The following PELI2 variants were observed in gnomAD, a reference collection of about 807,000 sequenced individuals.
The protein encoded by PELI2 is pellino E3 ubiquitin protein ligase family member 2, also known as E3 ubiquitin-protein ligase pellino homolog 2.
A neutral mutation model predicts 42.3 loss-of-function variants in PELI2; 23 were observed. The observed-to-expected ratio is 0.54, with a 90% confidence interval of 0.39 to 0.77. The LOEUF is 0.77. Ranked by LOEUF, PELI2 falls within the 30% of genes least tolerant of loss-of-function variation. The probability of loss-of-function intolerance (pLI) is 0.00; values close to 1 mark genes in which losing one functional copy is unlikely to be tolerated. For missense variants in PELI2, 463 were observed against 553.2 expected, an observed-to-expected ratio of 0.84 and a Z score of 1.64; for synonymous variants, 245 against 212.2, an observed-to-expected ratio of 1.15 and a Z score of -1.34.
rs376043626 is a variant in PELI2, at chr14:56,256,923, A to T, written c.208-22753A>T. On this transcript the variant is annotated intron_variant, in intron 2 of 5. Transcript: ENST00000267460. ...TGCTACTGGAAGTTGCCAGCTGTCT[A>T]ACTAGCTAGGTAGGATACCCTGCCT... is the stretch of plus-strand genomic sequence containing the variant. Among the ~76,000 whole-genome samples the T allele has an allele frequency of 9.2e-5, 14 of 152,320 alleles. 1 individual carries two copies. The highest frequency in any genetic ancestry group is 3.4e-4 in the African/African-American group (14 of 41,570).
intron 1 of PELI2, among the ~76,000 whole-genome samples, chr14:56,128,025 A>C (rs1566595614): frequency 6.6e-6 from 1 of 152,186 alleles, no homozygotes; most frequent in Non-Finnish European, 1.5e-5. Context: ...GTATATTAAA[A>C]ATGGGATTCA....
intron 2 of PELI2, among the ~76,000 whole-genome samples, chr14:56,255,962 A>G (rs1888513739): frequency 6.6e-6 from 1 of 152,122 alleles, no homozygotes; most frequent in Non-Finnish European, 1.5e-5. Flanking sequence ...ATGCAGCTCA[A>G]CTTTACAGGG....
chr14:56,291,775 C>T (rs1212267456), intron 5 of PELI2, among the ~76,000 whole-genome samples: 1 of 152,206 alleles, frequency 6.6e-6, no homozygotes, highest in Non-Finnish European at 1.5e-5. Flanking sequence ...CAGCAGCCCT[C>T]TTAGGGAAGT....
intron 2 of PELI2, among the ~76,000 whole-genome samples, chr14:56,218,822 C>T (rs1887011162): frequency 6.6e-6 from 1 of 152,114 alleles, no homozygotes; most frequent in Admixed American, 6.5e-5. Flanking sequence ...AGCTATTGGT[C>T]TGAAACTGTG....
intron 2 of PELI2, among the ~76,000 whole-genome samples, chr14:56,275,697 GCTCGTCTGCCA>G (rs1168329101): frequency 6.6e-6 from 1 of 152,188 alleles, no homozygotes; most frequent in Non-Finnish European, 1.5e-5. Context: ...AACTTCGCTT[GCTCGTCTGCCA>G]CTCACCTCCT....
chr14:56,200,298 A>G (rs144828565), intron 2 of PELI2, among the ~76,000 whole-genome samples: 1 of 152,396 alleles, frequency 6.6e-6, no homozygotes, highest in African/African-American at 2.4e-5. Context: ...GCTAATAAGC[A>G]CTTTGCATAT....
Position 56,118,637 on chromosome 14 carries a change from G to A in PELI2, c.-24G>A. 1 of 1,362,002 alleles carries A rather than the reference G, an allele frequency of 7.3e-7. No homozygotes were observed. The highest frequency in any genetic ancestry group is 9.6e-7 in the Non-Finnish European group (1 of 1,047,072). 84.4% of individuals were successfully genotyped at this position (1,362,002 alleles called of 1,614,324 possible). On this transcript the variant is annotated 5_prime_UTR_variant, in exon 1 of 6. Coordinates refer to ENST00000267460, the MANE Select transcript of PELI2 (RefSeq NM_021255.3). ...GGCGGAGGCGGCGGCGTCGGCGGCG[G>A]CGTCGGCGGCCGAGCGGGGCTCCAT... is the stretch of plus-strand genomic sequence containing the variant.
rs1412624063 is a variant in PELI2, at chr14:56,199,627, CT to C, written c.207+21164del. Reference sequence around the variant, plus strand: ...ACTAGCAAGTATTAGTGAAAACCCCCTGATAATTCAGTTTAATGGCTACTTT... The same window carrying C: ...ACTAGCAAGTATTAGTGAAAACCCCCGATAATTCAGTTTAATGGCTACTTT... On this transcript the variant is annotated intron_variant, in intron 2 of 5. Transcript: ENST00000267460. Among the ~76,000 whole-genome samples the C allele has an allele frequency of 2.0e-5, 3 of 152,282 alleles. No homozygotes were observed. In the East Asian group the frequency reaches 5.8e-4, roughly 29 times the overall value.
chr14:56,147,286 G>T (rs1884162774), intron 1 of PELI2, among the ~76,000 whole-genome samples: 1 of 152,168 alleles, frequency 6.6e-6, no homozygotes, highest in Non-Finnish European at 1.5e-5. Flanking sequence ...TCTTTGCATG[G>T]ATGTATATTT....
In PELI2 at chr14:56,233,924, A is replaced by G. The variant is rs1887684513; in HGVS notation, c.208-45752A>G. 3.3e-5 allele frequency among the ~76,000 whole-genome samples: 5 copies of G among 152,198 alleles called. No homozygotes were observed. In the South Asian group the frequency reaches 1.0e-3, roughly 32 times the overall value. On this transcript the variant is annotated intron_variant, in intron 2 of 5. Coordinates refer to ENST00000267460, the MANE Select transcript of PELI2 (RefSeq NM_021255.3). ...AAATTTATAAGGGAATATTAACCCC[A>G]TCAAAAGTGGGCGAAGGACATGAAC... is the stretch of plus-strand genomic sequence containing the variant.
chr14:56,155,756 T>A (rs1437837711), intron 1 of PELI2, among the ~76,000 whole-genome samples: 4 of 150,584 alleles, frequency 2.7e-5, no homozygotes, highest in Admixed American at 6.7e-5. Flanking sequence ...TAATTTTTTT[T>A]ATATTTTTAG....
chr14:56,270,089 C>T (rs984824229), intron 2 of PELI2, among the ~76,000 whole-genome samples: 1 of 152,172 alleles, frequency 6.6e-6, no homozygotes, highest in African/African-American at 2.4e-5. Context: ...AGCACTCTTG[C>T]GTGCCATAGA....
Position 56,155,702 on chromosome 14 carries a change from T to C in PELI2, c.78-22633T>C, listed in dbSNP as rs530468064. 1.2e-4 allele frequency among the ~76,000 whole-genome samples: 19 copies of C among 152,074 alleles called. No individual in the cohort carries two copies. The South Asian group carries it at 3.7e-3, about 30-fold the overall frequency. On this transcript the variant is annotated intron_variant, in intron 1 of 5. Coordinates refer to ENST00000267460, the MANE Select transcript of PELI2 (RefSeq NM_021255.3). The stretch of plus-strand genomic sequence containing the variant: ...GTTCGCCCCATTCTCCTGCCTCAGC[T>C]TCCTGAGTAGCTGGCACTACAGGCG...
chr14:56,237,992 A>G (rs1200296324), intron 2 of PELI2, among the ~76,000 whole-genome samples: 1 of 152,038 alleles, frequency 6.6e-6, no homozygotes, highest in Non-Finnish European at 1.5e-5. Flanking sequence ...AAGATAAATG[A>G]TGTTGCTGTT....
chr14:56,199,639 T>C (rs1278252835), intron 2 of PELI2, among the ~76,000 whole-genome samples: 2 of 152,220 alleles, frequency 1.3e-5, no homozygotes, highest in Admixed American at 6.5e-5. Flanking sequence ...GATAATTCAG[T>C]TTAATGGCTA....
At chr14:56,134,490 T>A (rs1234041331) in intron 1 of PELI2, among the ~76,000 whole-genome samples, 1 of 152,222 alleles carries the variant, frequency 6.6e-6, no homozygotes, top group Non-Finnish European at 1.5e-5. Flanking sequence ...CTGAATCTTT[T>A]GCTTTTCAAC....
intron 3 of PELI2, among the ~76,000 whole-genome samples, chr14:56,286,979 A>G (rs916535189): frequency 6.6e-6 from 1 of 152,236 alleles, no homozygotes; most frequent in African/African-American, 2.4e-5. Flanking sequence ...CTTCATCAAG[A>G]CATTAATTTA....
chr14:56,184,727 A>G (rs188975533), intron 2 of PELI2, among the ~76,000 whole-genome samples: 41 of 152,094 alleles, frequency 2.7e-4, no homozygotes, highest in Admixed American at 2.5e-3. Flanking sequence ...AAGATTTACT[A>G]TGAGCAGTAT....
chr14:56,192,789 C>A (rs921230222), intron 2 of PELI2, among the ~76,000 whole-genome samples: 1 of 152,116 alleles, frequency 6.6e-6, no homozygotes. Flanking sequence ...AAGAATGGCA[C>A]CTGGTGTGTT....
Sources: gnomAD v4.1 joint callset for allele counts (sites outside exome capture counted in the v4.1 genomes callset) on GRCh38, gnomAD v4.1.1 for gene constraint, MANE v1.5 for transcripts, NCBI Gene and HGNC (gene_info 2026-07-23, HGNC 2026-07-21) for gene names.